The following ERBB4 variants were observed in gnomAD, a reference collection of about 807,000 sequenced individuals.
ERBB4 encodes the protein receptor tyrosine-protein kinase erbB-4.
In ERBB4, 42 loss-of-function variants were observed where a neutral mutation model predicts 158.0. The ratio of observed to expected loss-of-function variants is 0.27; its 90% CI spans 0.21 to 0.34. The LOEUF (loss-of-function observed/expected upper bound fraction) is 0.34. Among genes scored for constraint, ERBB4 ranks in the 10% least tolerant of loss-of-function variants. ERBB4 has a pLI of 1.00. For synonymous variants in ERBB4, 583 were observed against 558.7 expected, an observed-to-expected ratio of 1.04 and a Z score of -0.61; for missense variants, 1,333 against 1,624.1, an observed-to-expected ratio of 0.82 and a Z score of 3.08.
chr2:211,953,355 C>A (rs2080931029), intron 2 of ERBB4, among the ~76,000 whole-genome samples: 1 of 149,806 alleles, frequency 6.7e-6, no homozygotes, highest in South Asian at 2.1e-4. Flanking sequence ...GCACGTTCTG[C>A]ATATGTACCC....
intron 3 of ERBB4, among the ~76,000 whole-genome samples, chr2:211,926,884 T>C (rs575986146): frequency 1.5e-3 from 235 of 152,286 alleles, no homozygotes; most frequent in African/African-American, 5.2e-3. Flanking sequence ...TTAACTGTTT[T>C]ATCCACTATC....
intron 1 of ERBB4, among the ~76,000 whole-genome samples, chr2:212,511,122 C>A (rs1012465154): frequency 1.3e-5 from 2 of 152,058 alleles, no homozygotes; most frequent in Non-Finnish European, 2.9e-5. Flanking sequence ...ATTTTACCTG[C>A]AAATACACTG....
chr2:211,788,542 G>C (rs1228148215), intron 3 of ERBB4, among the ~76,000 whole-genome samples: 1 of 152,076 alleles, frequency 6.6e-6, no homozygotes, highest in Non-Finnish European at 1.5e-5. Flanking sequence ...TTACTACTCT[G>C]TATTTTAATG....
At chr2:211,880,143 C>T (rs2078623498) in intron 3 of ERBB4, among the ~76,000 whole-genome samples, 1 of 151,964 alleles carries the variant, frequency 6.6e-6, no homozygotes, top group South Asian at 2.1e-4. Flanking sequence ...CCTTCTCTTA[C>T]CCAAGACAGT....
At chr2:211,863,267 T>A (rs1000016063) in intron 3 of ERBB4, among the ~76,000 whole-genome samples, 1 of 152,064 alleles carries the variant, frequency 6.6e-6, no homozygotes, top group African/African-American at 2.4e-5. Flanking sequence ...AACGAACCAA[T>A]CAGCTCTCTG....
chr2:211,620,755 A>G (rs1270651899), intron 18 of ERBB4, among the ~76,000 whole-genome samples: 3 of 152,308 alleles, frequency 2.0e-5, no homozygotes, highest in Admixed American at 2.0e-4. Context: ...TCAATAAAGT[A>G]ACCACAGAGA....
intron 19 of ERBB4, among the ~76,000 whole-genome samples, chr2:211,611,115 G>A (rs562161423): frequency 4.6e-5 from 7 of 152,202 alleles, no homozygotes; most frequent in Admixed American, 1.3e-4. Flanking sequence ...TGGCTATGTT[G>A]GCTGGACTTC....
At chr2:211,451,963 T>C (rs2371271) in intron 20 of ERBB4, among the ~76,000 whole-genome samples, 62,300 of 151,944 alleles carry the variant, frequency 0.41, 13,951 homozygotes, top group Non-Finnish European at 0.49. Context: ...TGGCTTGTTT[T>C]GTCTTATCAT....
intron 2 of ERBB4, among the ~76,000 whole-genome samples, chr2:212,005,344 A>C (rs2076235291): frequency 6.6e-6 from 1 of 152,132 alleles, no homozygotes; most frequent in Admixed American, 6.6e-5. Flanking sequence ...GAGATGCATA[A>C]ATCATTTTTA....
At chr2:212,462,211 T>C (rs1184466647) in intron 1 of ERBB4, among the ~76,000 whole-genome samples, 1 of 152,172 alleles carries the variant, frequency 6.6e-6, no homozygotes, top group Non-Finnish European at 1.5e-5. Context: ...AAAGATTTTA[T>C]AGTTAAGCTC....
chr2:211,959,393 G>C (rs2081120149), intron 2 of ERBB4, among the ~76,000 whole-genome samples: 1 of 152,018 alleles, frequency 6.6e-6, no homozygotes, highest in Admixed American at 6.6e-5. Context: ...TTCTTTAAGA[G>C]TAAACCATTT....
intron 1 of ERBB4, among the ~76,000 whole-genome samples, chr2:212,385,798 TAAC>T (rs1294286353): frequency 6.6e-6 from 1 of 151,746 alleles, no homozygotes; most frequent in Non-Finnish European, 1.5e-5. Flanking sequence ...TAAAAGCAAA[TAAC>T]AACAGATAAA....
chr2:211,971,830 T>A (rs954769636), intron 2 of ERBB4, among the ~76,000 whole-genome samples: 1 of 151,912 alleles, frequency 6.6e-6, no homozygotes, highest in Admixed American at 6.6e-5. Flanking sequence ...ATAGAAGCAA[T>A]AGCTGGAAGC....
At chr2:211,943,352 A>T (rs948212170) in intron 3 of ERBB4, among the ~76,000 whole-genome samples, 1 of 152,074 alleles carries the variant, frequency 6.6e-6, no homozygotes, top group Non-Finnish European at 1.5e-5. Context: ...AGAGGTGATT[A>T]AAAAAAGTCA....
intron 18 of ERBB4, among the ~76,000 whole-genome samples, chr2:211,620,942 CT>C (rs2069576558): frequency 1.9e-5 from 1 of 52,358 alleles, no homozygotes; most frequent in Non-Finnish European, 5.9e-5. Context: ...TCCAACTCTA[CT>C]AAAAAATAAA....
intron 3 of ERBB4, among the ~76,000 whole-genome samples, chr2:211,899,042 T>C (rs1232667728): frequency 6.6e-6 from 1 of 152,104 alleles, no homozygotes; most frequent in Non-Finnish European, 1.5e-5. Flanking sequence ...ATTATAACAA[T>C]AAATATTTTC....
intron 3 of ERBB4, among the ~76,000 whole-genome samples, chr2:211,792,417 G>A (rs919933319): frequency 2.6e-5 from 4 of 151,656 alleles, no homozygotes; most frequent in African/African-American, 7.2e-5. Context: ...AGAGAAAGCC[G>A]AAAGGAAAAT....
chr2:212,269,670 T>C (rs747891711), intron 1 of ERBB4, among the ~76,000 whole-genome samples: 1 of 151,852 alleles, frequency 6.6e-6, no homozygotes, highest in South Asian at 2.1e-4. Context: ...AAAGTGTTGA[T>C]ATAATGAGAT....
At chr2:212,172,319 G>C (rs1229505324) in intron 1 of ERBB4, among the ~76,000 whole-genome samples, 1 of 152,118 alleles carries the variant, frequency 6.6e-6, no homozygotes, top group Non-Finnish European at 1.5e-5. Flanking sequence ...GTTGGTAGAA[G>C]TGTAAATTAG....
Sources: allele counts gnomAD v4.1 joint callset (sites outside exome capture counted in the v4.1 genomes callset), GRCh38; gene constraint gnomAD v4.1.1; transcripts MANE v1.5; gene names NCBI Gene and HGNC (gene_info 2026-07-23, HGNC 2026-07-21).